TYW3: variants seen among roughly 807,000 people sequenced by gnomAD.
TYW3 encodes tRNA-yW synthesizing protein 3 homolog.
TYW3 carries 26 observed loss-of-function variants against 23.1 expected under a neutral mutation model. The observed-to-expected ratio is 1.13, with a 90% CI of 0.83 to 1.56. TYW3 has a LOEUF of 1.56. Ranked by LOEUF, TYW3 falls within the 40% of genes most tolerant of loss-of-function variation. The pLI is 0.00. For synonymous variants in TYW3, 102 were observed against 105.7 expected (o/e 0.97, Z 0.21); for missense variants, 316 against 311.9 (o/e 1.01, Z -0.10).
chr1:74,750,212 C>G (rs1242706701), intron 4 of TYW3: 1 of 152,228 alleles, frequency 6.6e-6, no homozygotes, highest in African/African-American at 2.4e-5. Flanking sequence ...AGTCTTCTTA[C>G]TTTAGGTCTT....
chr1:74,733,605 A>G (rs1263976526), intron 1 of TYW3, 187 bp downstream of exon 1: 1 of 956,448 alleles, frequency 1.0e-6, no homozygotes, highest in African/African-American at 1.8e-5. Flanking sequence ...GTGGCTATTA[A>G]TCAGCTGAGC....
rs1240930466 is a variant in TYW3 at position 74,765,669 on chromosome 1, G to GA, written c.*1557dup. Reference sequence around the variant, plus strand: ...AAAAGTTATAAATAACAGTAGGAAAGAGAGAGTGCAGGTGGAACGAGCCTA... The same window carrying GA: ...AAAAGTTATAAATAACAGTAGGAAAGAAGAGAGTGCAGGTGGAACGAGCCTA... On this transcript the variant is annotated 3_prime_UTR_variant, in exon 6 of 6. Transcript: ENST00000370867. 2.0e-5 allele frequency: 3 copies of GA among 152,114 alleles called. No individual in the cohort carries two copies. The highest frequency in any genetic ancestry group is 4.4e-5 in the Non-Finnish European group (3 of 68,004). 9.4% of individuals were successfully genotyped at this position (152,114 alleles called of 1,614,324 possible). A position where few individuals can be genotyped will look rare whatever the true frequency, so the allele number is the denominator to read the frequency against.
At position 74,763,961 on chromosome 1, in the gene TYW3, G is replaced by A; in HGVS notation, c.628G>A (p.Glu210Lys). ...TMTNLHPKIK[E>K]KNNSSYIHKK... ...GACTAACTTACATCCCAAGATCAAA[G>A]AGAAAAATAACTCATCATATATTCA... The change falls in exon 6 of 6, where the codon GAG becomes AAG. Residue 210 changes from glutamate (E) to lysine (K), a missense_variant. By Grantham distance (56) the Glu-to-Lys change is moderately conservative. Coordinates refer to ENST00000370867, the MANE Select transcript of TYW3 (RefSeq NM_138467.3). 1 of 1,609,588 alleles carries A rather than the reference G, an allele frequency of 6.2e-7. No individual in the cohort carries two copies. The highest frequency in any genetic ancestry group is 8.5e-7 in the Non-Finnish European group (1 of 1,178,806).
Position 74,739,355 on chromosome 1 carries a change from G to T in TYW3, c.354+567G>T, listed in dbSNP as rs368927840. ...TAGGAGACAGCAAAAACAAACAAGT[G>T]AACTGGCAAAAAAACAAAAAACAAA... On this transcript the variant is annotated intron_variant, in intron 3 of 5. Coordinates refer to ENST00000370867, the MANE Select transcript of TYW3 (RefSeq NM_138467.3). 5.6e-4 allele frequency among the ~76,000 whole-genome samples: 86 copies of T among 152,214 alleles called. No homozygotes were observed. The South Asian group carries it at 0.017, about 29-fold the overall frequency.
At chr1:74,763,850 T>C (rs1453147189) in intron 5 of TYW3, 44 bp from the exon 6 acceptor site, 17 of 1,487,550 alleles carry the variant, frequency 1.1e-5, no homozygotes, top group Non-Finnish European at 1.5e-5. Context: ...AGTCATTTCG[T>C]TTCAGTACAC....
At chr1:74,760,351 T>C (rs939569055) in intron 5 of TYW3, among the ~76,000 whole-genome samples, 6 of 152,178 alleles carry the variant, frequency 3.9e-5, no homozygotes, top group Admixed American at 1.3e-4. Flanking sequence ...AAAACCATAT[T>C]GTTCAAGGGT....
intron 1 of TYW3, chr1:74,736,269 T>A (rs542573830): frequency 1.4e-4 from 36 of 257,574 alleles, no homozygotes; most frequent in African/African-American, 7.2e-4. Flanking sequence ...TCCCTTATAC[T>A]AATCCCTTTT....
In TYW3 at chr1:74,748,805, A is replaced by G. The variant is rs1648677643; in HGVS notation, c.409A>G (p.Arg137Gly). Residue 137 changes from arginine to glycine, a missense_variant, in exon 4 of 6, where the codon AGA becomes GGA. Arg to Gly is a moderately radical substitution (Grantham distance 125). Transcript: ENST00000370867. ...GAACTCTGGCATAACGGTGGGAAAG[A>G]GAGGAAAAACTATGTTGGTAAGATA... ...FRNSGITVGK[R>G]GKTMLAVRST... is the part of the protein sequence containing the mutation. 4 of 1,614,062 alleles carry G rather than the reference A, an allele frequency of 2.5e-6. No homozygotes were observed. The highest frequency in any genetic ancestry group is 3.4e-6 in the Non-Finnish European group (4 of 1,179,944).
intron 4 of TYW3, 69 bp downstream of exon 4, chr1:74,748,891 A>T: frequency 7.4e-7 from 1 of 1,352,100 alleles, no homozygotes; most frequent in Admixed American, 1.7e-5. Flanking sequence ...ACCTAATTAG[A>T]CTCCTGCCTT....
intron 3 of TYW3, among the ~76,000 whole-genome samples, chr1:74,740,706 C>T (rs530996616): frequency 3.3e-5 from 5 of 152,212 alleles, no homozygotes; most frequent in African/African-American, 7.2e-5. Flanking sequence ...CTGATTGGTG[C>T]GTTTACAATC....
chr1:74,764,152 T>A lies in TYW3; in HGVS notation c.*39T>A. ...TGTGTCTTGGCCGTAATGTTTCTAG[T>A]AGGTTTTATAAAGCTGCTCTTCATA... is the stretch of plus-strand genomic sequence containing the variant. On this transcript the variant is annotated 3_prime_UTR_variant, in exon 6 of 6. Coordinates refer to ENST00000370867, the MANE Select transcript of TYW3 (RefSeq NM_138467.3). The A allele has an allele frequency of 1.3e-6, 2 of 1,541,838 alleles. No individual in the cohort carries two copies. The highest frequency in any genetic ancestry group is 1.8e-6 in the Non-Finnish European group (2 of 1,134,018).
chr1:74,738,118 A>AC (rs1213933687), intron 2 of TYW3, among the ~76,000 whole-genome samples: 7 of 150,644 alleles, frequency 4.6e-5, no homozygotes, highest in Non-Finnish European at 8.9e-5. Context: ...AAAAAAAAAC[A>AC]AACAAAAAAA....
chr1:74,744,916 A>G (rs1292471549), intron 3 of TYW3, among the ~76,000 whole-genome samples: 1 of 149,000 alleles, frequency 6.7e-6, no homozygotes, highest in Non-Finnish European at 1.5e-5. Context: ...TTGTTTGTTC[A>G]TCCCGGTGGG....
chr1:74,740,132 G>A (rs1179686490), intron 3 of TYW3, among the ~76,000 whole-genome samples: 3 of 152,214 alleles, frequency 2.0e-5, no homozygotes, highest in Non-Finnish European at 2.9e-5. Flanking sequence ...CTTAAAGATG[G>A]TATGTCCGGA....
chr1:74,736,505 TTA>T (rs1648157635), intron 1 of TYW3, 35 bp from the exon 2 acceptor site: 10 of 1,464,416 alleles, frequency 6.8e-6, no homozygotes, highest in African/African-American at 1.4e-5. Context: ...TTGTAAAATA[TTA>T]TATGAAACTT....
intron 3 of TYW3, among the ~76,000 whole-genome samples, chr1:74,740,425 T>G (rs1233003863): frequency 2.0e-5 from 3 of 152,234 alleles, no homozygotes; most frequent in Non-Finnish European, 4.4e-5. Context: ...AGAATAAAGC[T>G]TCTGCAGCTT....
intron 3 of TYW3, among the ~76,000 whole-genome samples, chr1:74,747,651 GAAAAAGAA>G (rs1648613541): frequency 6.8e-6 from 1 of 146,570 alleles, no homozygotes; most frequent in African/African-American, 2.5e-5. Context: ...AAAAAAAAAA[GAAAAAGAA>G]AAAAAGAAAA....
rs80027800 is a variant in TYW3, at chr1:74,765,455, C to T, written c.*1342C>T. On this transcript the variant is annotated 3_prime_UTR_variant, in exon 6 of 6. Coordinates refer to ENST00000370867, the MANE Select transcript of TYW3 (RefSeq NM_138467.3). Reference sequence around the variant, plus strand: ...CCTAGATGACAATGTCAGTGGCACTCGAAGTTGTGCAGTGCACATTCTTAT... The same window carrying T: ...CCTAGATGACAATGTCAGTGGCACTTGAAGTTGTGCAGTGCACATTCTTAT... The T allele has an allele frequency of 7.2e-5, 11 of 152,062 alleles. No individual in the cohort carries two copies. Among genetic ancestry groups the T allele is most frequent in the Admixed American group, 6.6e-4 (10 of 15,244 alleles). The allele number at this position is 152,062 out of a possible 1,614,324, so 9.4% of individuals were successfully genotyped here. A position where few individuals can be genotyped will look rare whatever the true frequency, so the allele number is the denominator to read the frequency against.
intron 3 of TYW3, among the ~76,000 whole-genome samples, chr1:74,740,906 C>G (rs918080926): frequency 3.0e-4 from 45 of 152,234 alleles, no homozygotes; most frequent in African/African-American, 9.9e-4. Context: ...GTCCAGCTGG[C>G]TTCATCTCTC....
Sources: gnomAD v4.1 joint callset for allele counts (sites outside exome capture counted in the v4.1 genomes callset) on GRCh38, gnomAD v4.1.1 for gene constraint, MANE v1.5 for transcripts, NCBI Gene and HGNC (gene_info 2026-07-23, HGNC 2026-07-21) for gene names.